Variants in NLGN2 observed in about 807,000 individuals in gnomAD.
NLGN2 encodes neuroligin 2.
NLGN2 carries 11 observed loss-of-function variants against 48.6 expected under a neutral mutation model. The observed-to-expected ratio is 0.23, with a 90% CI of 0.14 to 0.37. The LOEUF (loss-of-function observed/expected upper bound fraction) is 0.37. Among genes scored for constraint, NLGN2 ranks in the 10% least tolerant of loss-of-function variants. NLGN2 has a pLI of 1.00. For synonymous variants in NLGN2, 548 were observed against 550.0 expected, an observed-to-expected ratio of 1.00 and a Z score of 0.05; for missense variants, 801 against 1,225.2, an observed-to-expected ratio of 0.65 and a Z score of 5.17.
At chr17:7,409,137 C>T (rs1442825500) in intron 1 of NLGN2, among the ~76,000 whole-genome samples, 1 of 152,136 alleles carries the variant, frequency 6.6e-6, no homozygotes, top group South Asian at 2.1e-4. Context: ...GCAGAATACC[C>T]AGGTTAGCTA....
Position 7,416,970 on chromosome 17 carries a change from C to A in NLGN2, c.1679C>A (p.Thr560Asn). 2 of 1,614,104 alleles carry A rather than the reference C, an allele frequency of 1.2e-6. No homozygotes were observed. Among genetic ancestry groups the A allele is most frequent in the Non-Finnish European group, 1.7e-6 (2 of 1,179,980 alleles). ...PVPQDTKFIH[T>N]KPNRFEEVVW... ...CCGCAGGATACCAAGTTCATCCACACCAAGCCCAATCGCTTCGAGGAGGTG... is the reference window on the plus strand; with the variant it reads ...CCGCAGGATACCAAGTTCATCCACAACAAGCCCAATCGCTTCGAGGAGGTG... Residue 560 changes from threonine (T) to asparagine (N), a missense_variant, in exon 7 of 7, where the codon ACC becomes AAC. Around this residue, in one of 5 missense-constraint regions of NLGN2, gnomAD observed 303 missense variants for 600.1 expected, o/e 0.50. Transcript: ENST00000302926.
rs1567661877 is a variant in NLGN2, at chr17:7,415,492, C to T, written c.1038-19C>T. The stretch of plus-strand genomic sequence containing the variant: ...GAGGCCAGTGAGCAGGTGGTGAGAC[C>T]CTGACCCCTTCTCCCCAGCTACCAC... On this transcript the variant is annotated intron_variant, in intron 5 of 6. Coordinates refer to ENST00000302926, the MANE Select transcript of NLGN2 (RefSeq NM_020795.4). 1.2e-6 allele frequency: 2 copies of T among 1,608,294 alleles called. No individual in the cohort carries two copies. Among genetic ancestry groups the T allele is most frequent in the Non-Finnish European group, 1.7e-6 (2 of 1,174,746 alleles).
In NLGN2 at chr17:7,414,212, G is replaced by A. The variant is rs548685782; in HGVS notation, c.509-132G>A. ...GGGGAATCCGGTCTTGCCCCCCAGG[G>A]ATGGGAGTGACATGTCCCCTGAGCT... On this transcript the variant is annotated intron_variant, in intron 2 of 6. Coordinates refer to ENST00000302926, the MANE Select transcript of NLGN2 (RefSeq NM_020795.4). The A allele has an allele frequency of 1.7e-5, 13 of 774,966 alleles. 1 individual carries two copies. In the South Asian group the frequency reaches 2.1e-4, roughly 12 times the overall value. 48.0% of individuals were successfully genotyped at this position (774,966 alleles called of 1,614,324 possible). A position where few individuals can be genotyped will look rare whatever the true frequency, so the allele number is the denominator to read the frequency against.
chr17:7,413,011 T>A lies in NLGN2; in HGVS notation c.508+804T>A, dbSNP rs1474716366. Among the ~76,000 whole-genome samples the A allele has an allele frequency of 6.6e-6, 1 of 152,040 alleles. No homozygotes were observed. The highest frequency in any genetic ancestry group is 1.5e-5 in the Non-Finnish European group (1 of 67,980). ...TTTCTGACCCCTCCTCCCCTCACAC[T>A]GGGAGAGGGGTGGGGTGAGGATGGG... On this transcript the variant is annotated intron_variant, in intron 2 of 6. Coordinates refer to ENST00000302926, the MANE Select transcript of NLGN2 (RefSeq NM_020795.4). This position sits in a 1 kb window ranked among gnomAD's most constrained non-coding sequence, Gnocchi z 4.9.
chr17:7,408,425 A>G lies in NLGN2; in HGVS notation c.170A>G (p.Glu57Gly). 6.4e-7 allele frequency: 1 copy of G among 1,568,892 alleles called. No individual in the cohort carries two copies. The highest frequency in any genetic ancestry group is 2.5e-5 in the East Asian group (1 of 40,654). The change falls in exon 1 of 7, where the codon GAG becomes GGG. Residue 57 changes from glutamate (E) to glycine (G), a missense_variant. Physicochemically the swap from Glu to Gly is moderately conservative, Grantham distance 98. Around this residue, in one of 5 missense-constraint regions of NLGN2, gnomAD observed 164 missense variants for 186.2 expected, o/e 0.88. Transcript: ENST00000302926. This position sits in a 1 kb window ranked among gnomAD's most constrained non-coding sequence, Gnocchi z 7.5. ...GGGCGAGTGCGCGGTGTGCGGCGCG[A>G]GCTCAACAACGAGATCCTGGGCCCC... Reference protein sequence around the residue: ...AYGRVRGVRRELNNEILGPVV... With the variant: ...AYGRVRGVRRGLNNEILGPVV...
rs1026783160 is a variant in NLGN2, at chr17:7,413,119, A to G, written c.508+912A>G. ...GCTGGGAGGTCACTTGAGGTTCAGGAGCAAAGGAGAGGACAGGATTTGAGG... is the reference window on the plus strand; with the variant it reads ...GCTGGGAGGTCACTTGAGGTTCAGGGGCAAAGGAGAGGACAGGATTTGAGG... On this transcript the variant is annotated intron_variant, in intron 2 of 6. Coordinates refer to ENST00000302926, the MANE Select transcript of NLGN2 (RefSeq NM_020795.4). This position sits in a 1 kb window ranked among gnomAD's most constrained non-coding sequence, Gnocchi z 4.9. Among the ~76,000 whole-genome samples, 2 of 152,176 alleles carry G rather than the reference A, an allele frequency of 1.3e-5. No homozygotes were observed. Among genetic ancestry groups the G allele is most frequent in the African/African-American group, 4.8e-5 (2 of 41,446 alleles).
chr17:7,409,123 C>T (rs766231571), intron 1 of NLGN2, among the ~76,000 whole-genome samples: 3 of 152,120 alleles, frequency 2.0e-5, no homozygotes, highest in South Asian at 4.1e-4. Flanking sequence ...TGGGCTTGTT[C>T]CTGGCAGAAT....
intron 1 of NLGN2, among the ~76,000 whole-genome samples, chr17:7,410,890 C>T (rs115463275): frequency 6.6e-6 from 1 of 152,242 alleles, no homozygotes; most frequent in African/African-American, 2.4e-5. Flanking sequence ...CCCACCCCAT[C>T]CTCTCACAAA....
chr17:7,408,126 C>CCCT lies in NLGN2; in HGVS notation c.-124_-122dup, dbSNP rs2150810883. 2.1e-6 allele frequency: 1 copy of CCCT among 466,866 alleles called. No individual in the cohort carries two copies. Among genetic ancestry groups the CCCT allele is most frequent in the Non-Finnish European group, 3.6e-6 (1 of 276,240 alleles). 28.9% of individuals were successfully genotyped at this position (466,866 alleles called of 1,614,324 possible). The stretch of plus-strand genomic sequence containing the variant: ...GTCTAACCCAGGTCCCTCCCCAACC[C>CCCT]CCTCCTCCCTCCTTTCCCCCCGCCC... On this transcript the variant is annotated 5_prime_UTR_variant, in exon 1 of 7. Transcript: ENST00000302926. The surrounding 1 kb of genome is among the most constrained non-coding windows in gnomAD (Gnocchi z 7.5).
In NLGN2 at chr17:7,408,215, G is replaced by T. The variant is rs1229585285; in HGVS notation, c.-41G>T. On this transcript the variant is annotated 5_prime_UTR_variant, in exon 1 of 7. Transcript: ENST00000302926. This position sits in a 1 kb window ranked among gnomAD's most constrained non-coding sequence, Gnocchi z 7.5. ...CCCCCCCTTCTCTCTCTCTCCGAGG[G>T]GGGGGGGTCCCAGGGAGGGAGGGGG... 15 of 1,114,292 alleles carry T rather than the reference G, an allele frequency of 1.3e-5. No individual in the cohort carries two copies. Among genetic ancestry groups the T allele is most frequent in the East Asian group, 6.5e-5 (2 of 30,754 alleles). 69.0% of individuals were successfully genotyped at this position (1,114,292 alleles called of 1,614,324 possible).
In NLGN2 at chr17:7,408,588, C is replaced by G; in HGVS notation, c.333C>G (p.His111Gln). 6.4e-7 allele frequency: 1 copy of G among 1,573,008 alleles called. No homozygotes were observed. The highest frequency in any genetic ancestry group is 8.6e-7 in the Non-Finnish European group (1 of 1,161,360). Residue 111 changes from histidine to glutamine, a missense_variant, in exon 1 of 7, where the codon CAC (histidine) becomes CAG (glutamine). By Grantham distance (24) the His-to-Gln change is conservative (BLOSUM62 0). Coordinates refer to ENST00000302926, the MANE Select transcript of NLGN2 (RefSeq NM_020795.4). The surrounding 1 kb of genome is among the most constrained non-coding windows in gnomAD (Gnocchi z 7.5). The part of the protein sequence containing the change: ...TLPPACPQNL[H>Q]GALPAIMLPV... ...CGCCCGCCTGCCCGCAGAACCTGCACGGGGCGCTGCCCGCCATCATGCTGC... is the reference window on the plus strand; with the variant it reads ...CGCCCGCCTGCCCGCAGAACCTGCAGGGGGCGCTGCCCGCCATCATGCTGC...
Position 7,417,670 on chromosome 17 carries a change from T to C in NLGN2, c.2379T>C (p.Ser793=). Reference sequence around the variant, plus strand: ...CCGGGGCCCTGACCCTGCTGCCCAGTGGCCTGGGGCCACCGCCACCCCCAC... The same window carrying C: ...CCGGGGCCCTGACCCTGCTGCCCAGCGGCCTGGGGCCACCGCCACCCCCAC... ...LAPGALTLLP[S]GLGPPPPPPP... is the part of the protein sequence containing the mutation. Residue 793 remains serine, a synonymous_variant, in exon 7 of 7, where the codon AGT becomes AGC. Transcript: ENST00000302926. 1 of 1,377,656 alleles carries C rather than the reference T, an allele frequency of 7.3e-7. No individual in the cohort carries two copies. Among genetic ancestry groups the C allele is most frequent in the East Asian group, 3.0e-5 (1 of 33,764 alleles). 85.3% of individuals were successfully genotyped at this position (1,377,656 alleles called of 1,614,324 possible).
Position 7,417,640 on chromosome 17 carries a change from G to A in NLGN2, c.2349G>A (p.Leu783=), listed in dbSNP as rs200595403. The change falls in exon 7 of 7, where the codon TTG becomes TTA. Residue 783 remains leucine (L), a synonymous_variant. Transcript: ENST00000302926. The stretch of plus-strand genomic sequence containing the variant: ...GGGCACCGGACGATGTGCCTCTCTT[G>A]GCCCCCGGGGCCCTGACCCTGCTGC... ...LRRAPDDVPL[L]APGALTLLPS... 81 of 1,404,530 alleles carry A rather than the reference G, an allele frequency of 5.8e-5. No individual in the cohort carries two copies. The East Asian group carries it at 2.0e-3, about 35-fold the overall frequency. The allele number at this position is 1,404,530 out of a possible 1,614,324, so 87.0% of individuals were successfully genotyped here. A position where few individuals can be genotyped will look rare whatever the true frequency, so the allele number is the denominator to read the frequency against.
chr17:7,409,085 A>AT (rs1906777300), intron 1 of NLGN2, among the ~76,000 whole-genome samples: 1 of 152,020 alleles, frequency 6.6e-6, no homozygotes, highest in African/African-American at 2.4e-5. Context: ...ACCCACTCCA[A>AT]CCTTGCCCCG....
In NLGN2 at chr17:7,419,831, G is replaced by C. The variant is rs1693688558; in HGVS notation, c.*2032G>C. 1 of 152,554 alleles carries C rather than the reference G, an allele frequency of 6.6e-6. No individual in the cohort carries two copies. The allele number at this position is 152,554 out of a possible 1,614,324, so 9.5% of individuals were successfully genotyped here. The stretch of plus-strand genomic sequence containing the variant: ...TTTTAAACCTGGCAAAAGATGAAGA[G>C]AATATTGTAAATATAAAAGTTTAAC... On this transcript the variant is annotated 3_prime_UTR_variant, in exon 7 of 7. Coordinates refer to ENST00000302926, the MANE Select transcript of NLGN2 (RefSeq NM_020795.4).
intron 2 of NLGN2, 115 bp from the exon 3 acceptor site, chr17:7,414,229 C>G: frequency 1.1e-6 from 1 of 916,872 alleles, no homozygotes; most frequent in Non-Finnish European, 1.7e-6. Flanking sequence ...GTGACATGTC[C>G]CCTGAGCTCC....
rs2150813931 is a variant in NLGN2, at chr17:7,411,699, G to A, written c.458-458G>A. The stretch of plus-strand genomic sequence containing the variant: ...GGCAGGTGCTTCGCTGGCCCTGAAG[G>A]GGGCCTTCTGAGAGGTGGCCTGGGT... On this transcript the variant is annotated intron_variant, in intron 1 of 6. Transcript: ENST00000302926. This position sits in a 1 kb window ranked among gnomAD's most constrained non-coding sequence, Gnocchi z 4.5. 6.6e-6 allele frequency among the ~76,000 whole-genome samples: 1 copy of A among 152,318 alleles called. No individual in the cohort carries two copies. Among genetic ancestry groups the A allele is most frequent in the South Asian group, 2.1e-4 (1 of 4,828 alleles).
rs768429851 is a variant in NLGN2, at chr17:7,415,490, AC to A, written c.1038-18del. The A allele has an allele frequency of 6.2e-7, 1 of 1,609,614 alleles. No individual in the cohort carries two copies. Among genetic ancestry groups the A allele is most frequent in the Non-Finnish European group, 8.5e-7 (1 of 1,175,992 alleles). On this transcript the variant is annotated intron_variant, in intron 5 of 6. Coordinates refer to ENST00000302926, the MANE Select transcript of NLGN2 (RefSeq NM_020795.4). ...AGGAGGCCAGTGAGCAGGTGGTGAG[AC>A]CCTGACCCCTTCTCCCCAGCTACCA...
At position 7,417,625 on chromosome 17, in the gene NLGN2, C is replaced by A; in HGVS notation, c.2334C>A (p.Asp778Glu). ...DYTLALRRAPDDVPLLAPGAL... is the reference protein window; with the variant it reads ...DYTLALRRAPEDVPLLAPGAL... ...CCCTGGCCCTGCGCCGGGCACCGGACGATGTGCCTCTCTTGGCCCCCGGGG... is the reference window on the plus strand; with the variant it reads ...CCCTGGCCCTGCGCCGGGCACCGGAAGATGTGCCTCTCTTGGCCCCCGGGG... Residue 778 changes from aspartate to glutamate, a missense_variant, in exon 7 of 7, where the codon GAC (aspartate) becomes GAA (glutamate). Around this residue, in one of 5 missense-constraint regions of NLGN2, gnomAD observed 276 missense variants for 313.9 expected, o/e 0.88. Coordinates refer to ENST00000302926, the MANE Select transcript of NLGN2 (RefSeq NM_020795.4). 6 of 1,416,090 alleles carry A rather than the reference C, an allele frequency of 4.2e-6. No homozygotes were observed. The highest frequency in any genetic ancestry group is 5.5e-6 in the Non-Finnish European group (6 of 1,094,694). 87.7% of individuals were successfully genotyped at this position (1,416,090 alleles called of 1,614,324 possible).
Sources: allele counts gnomAD v4.1 joint callset (sites outside exome capture counted in the v4.1 genomes callset), GRCh38; gene constraint gnomAD v4.1.1; regional missense constraint gnomAD v4.1.1; non-coding constraint Gnocchi (gnomAD v3.1); transcripts MANE v1.5; gene names NCBI Gene and HGNC (gene_info 2026-07-23, HGNC 2026-07-21).